Variants in B4GALT1 observed in about 807,000 individuals in gnomAD.
The protein encoded by B4GALT1 is N-acetyllactosamine synthase.
In B4GALT1, 16 loss-of-function variants were observed where a neutral mutation model predicts 34.9. The ratio of observed to expected loss-of-function variants is 0.46; its 90% CI spans 0.31 to 0.70. The LOEUF (loss-of-function observed/expected upper bound fraction) is 0.70, where lower values mean the gene tolerates loss of function less well. B4GALT1 is among the 30% of genes least tolerant of loss of function. B4GALT1 has a pLI of 0.05. For missense variants in B4GALT1, 445 were observed against 530.5 expected, an observed-to-expected ratio of 0.84 and a Z score of 1.58; for synonymous variants, 221 against 218.1, an observed-to-expected ratio of 1.01 and a Z score of -0.12.
At chr9:33,117,004 C>A (rs1839949520) in intron 3 of B4GALT1, among the ~76,000 whole-genome samples, 1 of 152,210 alleles carries the variant, frequency 6.6e-6, no homozygotes, top group African/African-American at 2.4e-5. Context: ...CAGTCAGTGA[C>A]AAGAGCAGGC....
At chr9:33,184,386 T>C in the B4GALT1 span, among the ~76,000 whole-genome samples, 1 of 152,034 alleles carries the variant, frequency 6.6e-6, no homozygotes, top group Non-Finnish European at 1.5e-5. Context: ...TGGACTACTG[T>C]AATTAATTTA....
downstream of B4GALT1, among the ~76,000 whole-genome samples, chr9:33,106,835 G>A (rs555071520): frequency 6.6e-6 from 1 of 152,324 alleles, no homozygotes; most frequent in Admixed American, 6.5e-5. Context: ...CAGAGACACA[G>A]AGAGGGGAAC....
chr9:33,179,668 C>T, the B4GALT1 span: 3 of 152,168 alleles, frequency 2.0e-5, no homozygotes, highest in Non-Finnish European at 2.9e-5. Context: ...TGATCTTTTC[C>T]AGGCTAGCAA....
the B4GALT1 span, among the ~76,000 whole-genome samples, chr9:33,175,007 AT>A: frequency 3.7e-3 from 265 of 72,528 alleles, 26 homozygotes; most frequent in Non-Finnish European, 6.2e-3. Flanking sequence ...ATATATATAT[AT>A]ATATATATAT....
chr9:33,157,178 T>G (rs1383392001), intron 1 of B4GALT1, among the ~76,000 whole-genome samples: 1 of 147,334 alleles, frequency 6.8e-6, no homozygotes, highest in East Asian at 2.0e-4. Context: ...AGTGTCAGTG[T>G]GAGGCTCCAG....
chr9:33,118,904 C>T (rs1839980690), intron 3 of B4GALT1, among the ~76,000 whole-genome samples: 1 of 151,904 alleles, frequency 6.6e-6, no homozygotes, highest in Non-Finnish European at 1.5e-5. Flanking sequence ...CTCTGTTGCC[C>T]AAGTTGAAGT....
intron 1 of B4GALT1, among the ~76,000 whole-genome samples, chr9:33,150,171 G>C (rs1460961279): frequency 3.4e-5 from 2 of 59,190 alleles, no homozygotes; most frequent in African/African-American, 1.0e-4. Context: ...ATATATATGA[G>C]AGAGAGAGAT....
chr9:33,116,211 T>C (rs1839935456), intron 3 of B4GALT1, 98 bp from the exon 4 acceptor site: 7 of 1,412,234 alleles, frequency 5.0e-6, no homozygotes, highest in Non-Finnish European at 6.8e-6. Flanking sequence ...TTTAAAGTTA[T>C]TCTTTTTGCT....
intron 1 of B4GALT1, among the ~76,000 whole-genome samples, chr9:33,140,918 T>C (rs1439911199): frequency 6.6e-6 from 1 of 152,264 alleles, no homozygotes; most frequent in Non-Finnish European, 1.5e-5. Context: ...CCATTTACTG[T>C]ACGTGGCTCA....
At chr9:33,178,122 G>T in the B4GALT1 span, among the ~76,000 whole-genome samples, 1 of 151,140 alleles carries the variant, frequency 6.6e-6, no homozygotes, top group Non-Finnish European at 1.5e-5. Flanking sequence ...CTCCCGAGTA[G>T]TTGGAACTAC....
In B4GALT1 at chr9:33,111,447, T is replaced by C. The variant is rs1839861773; in HGVS notation, c.*2007A>G. On this transcript the variant is annotated 3_prime_UTR_variant, in exon 6 of 6. Transcript: ENST00000379731. Reference sequence around the variant, plus strand: ...CACAACTCCCTCTCAATGCAGTCATTTCTAGTTTTAATAATATCCTTGGTA... The same window carrying C: ...CACAACTCCCTCTCAATGCAGTCATCTCTAGTTTTAATAATATCCTTGGTA... The C allele has an allele frequency of 6.6e-6, 1 of 152,580 alleles. No homozygotes were observed. The highest frequency in any genetic ancestry group is 1.5e-5 in the Non-Finnish European group (1 of 68,032). The allele number at this position is 152,580 out of a possible 1,614,324, so 9.5% of individuals were successfully genotyped here.
At chr9:33,108,381 G>A (rs1313359197), downstream of B4GALT1, among the ~76,000 whole-genome samples, 2 of 151,198 alleles carry the variant, frequency 1.3e-5, no homozygotes, top group African/African-American at 4.9e-5. Flanking sequence ...GGGAGACTGA[G>A]GCAAGAGGAT....
At chr9:33,110,451 A>G (rs142638973), downstream of B4GALT1, among the ~76,000 whole-genome samples, 2 of 152,320 alleles carry the variant, frequency 1.3e-5, no homozygotes, top group South Asian at 2.1e-4. Flanking sequence ...GTCACTTTTA[A>G]GCCTCAAAAA....
chr9:33,126,094 C>T (rs1013850756), intron 2 of B4GALT1, among the ~76,000 whole-genome samples: 3 of 152,166 alleles, frequency 2.0e-5, no homozygotes, highest in Non-Finnish European at 2.9e-5. Flanking sequence ...CATGCAAGAA[C>T]GCAGCACTAA....
At chr9:33,160,253 T>A (rs1254848683) in intron 1 of B4GALT1, among the ~76,000 whole-genome samples, 1 of 152,130 alleles carries the variant, frequency 6.6e-6, no homozygotes, top group Non-Finnish European at 1.5e-5. Context: ...CATCACTACA[T>A]CACTAAGAAA....
the B4GALT1 span, among the ~76,000 whole-genome samples, chr9:33,180,826 G>A: frequency 6.6e-6 from 1 of 152,150 alleles, no homozygotes; most frequent in South Asian, 2.1e-4. Flanking sequence ...ATATACACTG[G>A]AAAATTTTCC....
chr9:33,121,482 C>T (rs10971417), intron 2 of B4GALT1, among the ~76,000 whole-genome samples: 38,846 of 151,358 alleles, frequency 0.26, 5,359 homozygotes, highest in East Asian at 0.53. Flanking sequence ...CCTGCCTTAG[C>T]CTCGCGAGTA....
the B4GALT1 span, among the ~76,000 whole-genome samples, chr9:33,183,026 C>A: frequency 6.6e-6 from 1 of 152,158 alleles, no homozygotes; most frequent in African/African-American, 2.4e-5. Context: ...GCTTATCCAT[C>A]GCTTTCCGAT....
intron 3 of B4GALT1, among the ~76,000 whole-genome samples, chr9:33,118,493 TA>T (rs568416752): frequency 1.4e-4 from 21 of 147,866 alleles, no homozygotes; most frequent in African/African-American, 4.5e-4. Flanking sequence ...GAGACATCTC[TA>T]AAAAAAAAAA....
Sources: allele counts gnomAD v4.1 joint callset (sites outside exome capture counted in the v4.1 genomes callset), GRCh38; gene constraint gnomAD v4.1.1; transcripts MANE v1.5; gene names NCBI Gene and HGNC (gene_info 2026-07-23, HGNC 2026-07-21).